RPS15A: variants seen among roughly 807,000 people sequenced by gnomAD.
RPS15A encodes the protein ribosomal protein S15a.
For missense variants in RPS15A, 62 were observed against 163.4 expected (o/e 0.38, Z 3.38); for synonymous variants, 55 against 58.5 (o/e 0.94, Z 0.27).
intron 2 of RPS15A, chr16:18,788,434 G>T (rs1849121014): frequency 2.7e-6 from 1 of 375,536 alleles, no homozygotes; most frequent in Non-Finnish European, 4.8e-6. Flanking sequence ...CCAAAGAAGT[G>T]CAATAATCCA....
chr16:18,787,545 G>C (rs528007146), intron 3 of RPS15A, among the ~76,000 whole-genome samples: 48 of 152,324 alleles, frequency 3.2e-4, no homozygotes, highest in African/African-American at 1.2e-3. Context: ...AAACCACAAA[G>C]TCAGTTTTAC....
Position 18,783,930 on chromosome 16 carries a change from G to A in RPS15A, c.299+808C>T, listed in dbSNP as rs933130280. The A allele has an allele frequency of 2.0e-5, 7 of 344,584 alleles. No individual in the cohort carries two copies. In the Admixed American group the frequency reaches 2.3e-4, roughly 11 times the overall value. The allele number at this position is 344,584 out of a possible 1,614,324, so 21.3% of individuals were successfully genotyped here. A position where few individuals can be genotyped will look rare whatever the true frequency, so the allele number is the denominator to read the frequency against. ...GACTCCCAAACTAAGTTTTCCCAAA[G>A]GCCTAGGCTTAGAACTGATTCTGGC... On this transcript the variant is annotated intron_variant, in intron 4 of 4. Transcript: ENST00000322989.
At position 18,782,960 on chromosome 16, in the gene RPS15A, G is replaced by T; in HGVS notation, c.*49C>A. ...AAAGGCTCAAAACGACCAAGTGGAA[G>T]CACCAGAGTCCATGAGGCATTTTAT... is the stretch of plus-strand genomic sequence containing the variant. On this transcript the variant is annotated 3_prime_UTR_variant, in exon 5 of 5. Transcript: ENST00000322989. 1 of 1,166,656 alleles carries T rather than the reference G, an allele frequency of 8.6e-7. No homozygotes were observed. Among genetic ancestry groups the T allele is most frequent in the Non-Finnish European group, 1.3e-6 (1 of 796,284 alleles). The allele number at this position is 1,166,656 out of a possible 1,614,324, so 72.3% of individuals were successfully genotyped here.
chr16:18,788,485 C>A, intron 2 of RPS15A: 2 of 241,124 alleles, frequency 8.3e-6, no homozygotes, highest in East Asian at 1.0e-4. Flanking sequence ...CTCAAGAGTC[C>A]TTTCTTTCTT....
intron 4 of RPS15A, chr16:18,783,480 A>G (rs1596933909): frequency 5.6e-6 from 2 of 358,988 alleles, no homozygotes; most frequent in East Asian, 1.4e-4. Flanking sequence ...TGTACTGTAT[A>G]ATAGCTAAAC....
At chr16:18,788,469 G>T in intron 2 of RPS15A, 1 of 291,104 alleles carries the variant, frequency 3.4e-6, no homozygotes. Context: ...AGAGCTCTGA[G>T]AAGATCTCAA....
At chr16:18,784,180 C>T (rs1294239079) in intron 4 of RPS15A, 2 of 161,072 alleles carry the variant, frequency 1.2e-5, no homozygotes, top group South Asian at 1.7e-4. Context: ...GAAGCCAAGG[C>T]TGTAGCGTGT....
chr16:18,788,283 T>C (rs1285890636), intron 2 of RPS15A, 141 bp from the exon 3 acceptor site: 3 of 626,176 alleles, frequency 4.8e-6, no homozygotes, highest in African/African-American at 1.8e-5. Context: ...ACAGTTGCTC[T>C]GTATCAGAAC....
At chr16:18,783,200 C>G (rs758193408) in intron 4 of RPS15A, 98 bp from the exon 5 acceptor site, 1 of 770,998 alleles carries the variant, frequency 1.3e-6, no homozygotes, top group Non-Finnish European at 2.2e-6. Context: ...GTTAAGGGCG[C>G]TTTCCTGTGG....
Position 18,788,342 on chromosome 16 carries a change from A to G in RPS15A, c.134-200T>C, listed in dbSNP as rs185485407. On this transcript the variant is annotated intron_variant, in intron 2 of 4. Coordinates refer to ENST00000322989, the MANE Select transcript of RPS15A (RefSeq NM_001019.5). ...AGAATTGGGAGACAATACCCAAAAC[A>G]ATCCACCTTGCAATTCTGAAAGAAA... Among the ~76,000 whole-genome samples the G allele has an allele frequency of 3.3e-3, 506 of 152,302 alleles. 5 individuals are homozygous for G. Among genetic ancestry groups the G allele is most frequent in the African/African-American group, 0.012 (486 of 41,560 alleles).
intron 3 of RPS15A, among the ~76,000 whole-genome samples, chr16:18,787,644 T>C (rs2029911867): frequency 6.6e-6 from 1 of 152,240 alleles, no homozygotes; most frequent in African/African-American, 2.4e-5. Context: ...TTCATATTGC[T>C]ATTTAGAAAG....
At chr16:18,785,127 A>C (rs1453447984) in intron 3 of RPS15A, 55 of 261,606 alleles carry the variant, frequency 2.1e-4, no homozygotes, top group Non-Finnish European at 5.0e-5. Context: ...ATCAGATTTT[A>C]CATAGCCTAG....
chr16:18,788,150 A>G lies in RPS15A; in HGVS notation c.134-8T>C, dbSNP rs776197941. The G allele has an allele frequency of 1.3e-6, 2 of 1,573,382 alleles. No individual in the cohort carries two copies. The highest frequency in any genetic ancestry group is 1.7e-6 in the Non-Finnish European group (2 of 1,143,746). ...CAAATTCGCCAATGTAACCTACAAAAGATAACTGACTGGATTAAATAAAAG... is the reference window on the plus strand; with the variant it reads ...CAAATTCGCCAATGTAACCTACAAAGGATAACTGACTGGATTAAATAAAAG... On this transcript the variant is annotated splice_region_variant and splice_polypyrimidine_tract_variant and intron_variant, in intron 2 of 4. Coordinates refer to ENST00000322989, the MANE Select transcript of RPS15A (RefSeq NM_001019.5).
Position 18,788,969 on chromosome 16 carries a change from C to T in RPS15A, c.133+12G>A. On this transcript the variant is annotated intron_variant, in intron 2 of 4. Coordinates refer to ENST00000322989, the MANE Select transcript of RPS15A (RefSeq NM_001019.5). ...CACATGAAAACATAAAACACAGCGG[C>T]AGCAGACTTACCATGCTTCATCATC... The T allele has an allele frequency of 6.2e-7, 1 of 1,607,922 alleles. No individual in the cohort carries two copies.
rs1204649884 is a variant in RPS15A, at chr16:18,784,818, C to T, written c.219G>A (p.Gly73=). ...VNLTGRLNKC[G]VISPRFDVQL... ...GCACGTCAAATCTGGGGCTGATCAC[C>T]CCACACTATAAAATAACAACAACAA... is the stretch of plus-strand genomic sequence containing the variant. Residue 73 remains glycine, a synonymous_variant, in exon 4 of 5, where the codon GGG becomes GGA. Transcript: ENST00000322989. 1.9e-5 allele frequency: 30 copies of T among 1,602,806 alleles called. No individual in the cohort carries two copies. Among genetic ancestry groups the T allele is most frequent in the Non-Finnish European group, 2.6e-5 (30 of 1,174,442 alleles).
At position 18,787,498 on chromosome 16, in the gene RPS15A, C is replaced by T. The variant is rs150756704; in HGVS notation, c.213+565G>A. On this transcript the variant is annotated intron_variant, in intron 3 of 4. Coordinates refer to ENST00000322989, the MANE Select transcript of RPS15A (RefSeq NM_001019.5). ...GAAGCACAGTGGACACCTCAACCAGCTTAAGACACCTGCCCCCAAAACACA... is the reference window on the plus strand; with the variant it reads ...GAAGCACAGTGGACACCTCAACCAGTTTAAGACACCTGCCCCCAAAACACA... Among the ~76,000 whole-genome samples the T allele has an allele frequency of 2.0e-5, 3 of 152,354 alleles. No homozygotes were observed. In the East Asian group the frequency reaches 5.8e-4, roughly 29 times the overall value.
rs951312362 is a variant in RPS15A, at chr16:18,788,795, C to T, written c.133+186G>A. 1.4e-5 allele frequency: 8 copies of T among 575,814 alleles called. No individual in the cohort carries two copies. In the South Asian group the frequency reaches 1.5e-4, roughly 11 times the overall value. 35.7% of individuals were successfully genotyped at this position (575,814 alleles called of 1,614,324 possible). Reference sequence around the variant, plus strand: ...AAACACCTAGCAGAGCTCCTTTTTCCAGCAGTCCTACTCTAAGTGACTCTT... The same window carrying T: ...AAACACCTAGCAGAGCTCCTTTTTCTAGCAGTCCTACTCTAAGTGACTCTT... On this transcript the variant is annotated intron_variant, in intron 2 of 4. Transcript: ENST00000322989.
intron 2 of RPS15A, 95 bp downstream of exon 2, chr16:18,788,884 GAC>G: frequency 1.6e-6 from 2 of 1,285,538 alleles, no homozygotes; most frequent in East Asian, 2.3e-5. Context: ...TCTCAGGTAT[GAC>G]AGACATACTT....
At position 18,783,119 on chromosome 16, in the gene RPS15A, G is replaced by GA. The variant is rs769571942; in HGVS notation, c.300-18dup. The GA allele has an allele frequency of 1.4e-5, 21 of 1,537,518 alleles. No individual in the cohort carries two copies. The African/African-American group carries it at 2.9e-4, about 21-fold the overall frequency. On this transcript the variant is annotated splice_polypyrimidine_tract_variant and intron_variant, in intron 4 of 4. Transcript: ENST00000322989. ...ACAATGAAACTATGGAGTGGAAAAAGAAAGTGCTGGTAAGTTTAATAGTTC... is the reference window on the plus strand; with the variant it reads ...ACAATGAAACTATGGAGTGGAAAAAGAAAAGTGCTGGTAAGTTTAATAGTTC...
Sources: allele counts gnomAD v4.1 joint callset (sites outside exome capture counted in the v4.1 genomes callset), GRCh38; gene constraint gnomAD v4.1.1; transcripts MANE v1.5; gene names NCBI Gene and HGNC (gene_info 2026-07-23, HGNC 2026-07-21).